The following SMCP variants were observed in gnomAD, a reference collection of about 807,000 sequenced individuals.
The protein encoded by SMCP is sperm mitochondria associated cysteine rich protein.
For synonymous variants in SMCP, 41 were observed against 46.9 expected (o/e 0.87, Z 0.51); for missense variants, 137 against 137.1 (o/e 1.00, Z 0.01).
intron 1 of SMCP, among the ~76,000 whole-genome samples, chr1:152,881,110 G>T (rs77107784): frequency 6.6e-6 from 1 of 151,252 alleles, no homozygotes. Context: ...TGGCGCTGTC[G>T]GCCACACCTG....
intron 1 of SMCP, 142 bp from the exon 2 acceptor site, chr1:152,884,261 C>G: frequency 1.4e-6 from 1 of 727,980 alleles, no homozygotes; most frequent in Non-Finnish European, 2.2e-6. Flanking sequence ...TGGCTGGCCT[C>G]TCTGAGGGAT....
At position 152,884,810 on chromosome 1, in the gene SMCP, G is replaced by T; in HGVS notation, c.*37G>T. ...GTCAAACAAAGAAGAAGTCCCTGGG[G>T]CCATGCCTTTCACTTTGTAGGGTGG... is the stretch of plus-strand genomic sequence containing the variant. On this transcript the variant is annotated 3_prime_UTR_variant, in exon 2 of 2. Coordinates refer to ENST00000368765, the MANE Select transcript of SMCP (RefSeq NM_030663.3). 1 of 1,570,098 alleles carries T rather than the reference G, an allele frequency of 6.4e-7. No homozygotes were observed. The highest frequency in any genetic ancestry group is 1.7e-4 in the Middle Eastern group (1 of 5,902).
intron 1 of SMCP, 95 bp from the exon 2 acceptor site, chr1:152,884,308 T>A: frequency 9.2e-7 from 1 of 1,086,056 alleles, no homozygotes; most frequent in East Asian, 2.6e-5. Flanking sequence ...TGAGTCATTA[T>A]CCTGAAGATG....
At chr1:152,881,766 C>T (rs1252970118) in intron 1 of SMCP, among the ~76,000 whole-genome samples, 1 of 150,966 alleles carries the variant, frequency 6.6e-6, no homozygotes, top group Non-Finnish European at 1.5e-5. Context: ...AATCGATTCA[C>T]AGTTCCACAT....
intron 1 of SMCP, among the ~76,000 whole-genome samples, chr1:152,881,548 C>T (rs913731676): frequency 4.7e-4 from 71 of 151,116 alleles, no homozygotes; most frequent in African/African-American, 1.7e-3. Flanking sequence ...ATTAGCCGGG[C>T]GTGGTGGCGG....
chr1:152,879,267 C>T (rs1158425569), intron 1 of SMCP, among the ~76,000 whole-genome samples: 1 of 152,184 alleles, frequency 6.6e-6, no homozygotes, highest in Admixed American at 6.5e-5. Flanking sequence ...GTCACCCAGG[C>T]TGGAGTGCAG....
In SMCP at chr1:152,885,011, A is replaced by G; in HGVS notation, c.*238A>G. 1 of 556,582 alleles carries G rather than the reference A, an allele frequency of 1.8e-6. No homozygotes were observed. Among genetic ancestry groups the G allele is most frequent in the Admixed American group, 3.3e-5 (1 of 29,896 alleles). The allele number at this position is 556,582 out of a possible 1,614,324, so 34.5% of individuals were successfully genotyped here. A position where few individuals can be genotyped will look rare whatever the true frequency, so the allele number is the denominator to read the frequency against. On this transcript the variant is annotated 3_prime_UTR_variant, in exon 2 of 2. Coordinates refer to ENST00000368765, the MANE Select transcript of SMCP (RefSeq NM_030663.3). ...AATCATCTTTCCTAGTGATCCTGAC[A>G]TTTAGACAGCACAGAAATAAAGAGC... is the stretch of plus-strand genomic sequence containing the variant.
intron 1 of SMCP, among the ~76,000 whole-genome samples, chr1:152,882,360 A>C (rs549888890): frequency 1.3e-5 from 2 of 152,294 alleles, no homozygotes; most frequent in African/African-American, 4.8e-5. Flanking sequence ...GAAGAGGACA[A>C]GACAAGAGAT....
intron 1 of SMCP, among the ~76,000 whole-genome samples, chr1:152,883,146 C>T (rs886750744): frequency 6.6e-6 from 1 of 152,252 alleles, no homozygotes; most frequent in Admixed American, 6.5e-5. Flanking sequence ...CACCTCACCT[C>T]AGCAGTTGTC....
At chr1:152,884,025 A>G (rs903327595) in intron 1 of SMCP, among the ~76,000 whole-genome samples, 1 of 152,208 alleles carries the variant, frequency 6.6e-6, no homozygotes, top group African/African-American at 2.4e-5. Flanking sequence ...AAGTGGACTA[A>G]AAATGTCTAC....
At chr1:152,878,817 A>G (rs1648946138) in intron 1 of SMCP, among the ~76,000 whole-genome samples, 1 of 152,228 alleles carries the variant, frequency 6.6e-6, no homozygotes. Flanking sequence ...AGTGATGTGT[A>G]AGCAGAGACT....
intron 1 of SMCP, 97 bp from the exon 2 acceptor site, chr1:152,884,306 T>C: frequency 9.3e-7 from 1 of 1,076,034 alleles, no homozygotes; most frequent in South Asian, 1.6e-5. Context: ...TCTGAGTCAT[T>C]ATCCTGAAGA....
rs751822336 is a variant in SMCP at position 152,884,818 on chromosome 1, T to C, written c.*45T>C. On this transcript the variant is annotated 3_prime_UTR_variant, in exon 2 of 2. Transcript: ENST00000368765. ...AAGAAGAAGTCCCTGGGGCCATGCCTTTCACTTTGTAGGGTGGGGGATTAC... is the reference window on the plus strand; with the variant it reads ...AAGAAGAAGTCCCTGGGGCCATGCCCTTCACTTTGTAGGGTGGGGGATTAC... 14 of 1,544,478 alleles carry C rather than the reference T, an allele frequency of 9.1e-6. No homozygotes were observed. Among genetic ancestry groups the C allele is most frequent in the Admixed American group, 8.7e-5 (5 of 57,220 alleles).
Position 152,884,584 on chromosome 1 carries a change from A to G in SMCP, c.162A>G (p.Lys54=), listed in dbSNP as rs779051316. 3 of 1,613,926 alleles carry G rather than the reference A, an allele frequency of 1.9e-6. No individual in the cohort carries two copies. Among genetic ancestry groups the G allele is most frequent in the Non-Finnish European group, 2.5e-6 (3 of 1,180,012 alleles). The change falls in exon 2 of 2, where the codon AAA becomes AAG. Residue 54 remains lysine, a synonymous_variant. Coordinates refer to ENST00000368765, the MANE Select transcript of SMCP (RefSeq NM_030663.3). ...AAGGCAGTCAATGCTGCCCACCAAAACACAATCACTGCTGCCAGCCAAAAC... is the reference window on the plus strand; with the variant it reads ...AAGGCAGTCAATGCTGCCCACCAAAGCACAATCACTGCTGCCAGCCAAAAC... ...QPKGSQCCPP[K]HNHCCQPKPP... is the part of the protein sequence containing the mutation.
At chr1:152,879,796 C>G (rs1286913144) in intron 1 of SMCP, among the ~76,000 whole-genome samples, 1 of 152,174 alleles carries the variant, frequency 6.6e-6, no homozygotes, top group Non-Finnish European at 1.5e-5. Context: ...CCTCCACATT[C>G]AGGACCTATT....
chr1:152,880,193 G>T (rs1648990738), intron 1 of SMCP, among the ~76,000 whole-genome samples: 2 of 152,082 alleles, frequency 1.3e-5, no homozygotes, highest in East Asian at 3.9e-4. Flanking sequence ...AACAGAAGGG[G>T]CTCACTCCTC....
intron 1 of SMCP, among the ~76,000 whole-genome samples, chr1:152,881,914 T>C (rs2101622828): frequency 6.6e-6 from 1 of 152,322 alleles, no homozygotes; most frequent in South Asian, 2.1e-4. Context: ...GTGAGGTACA[T>C]ACACAGAGCC....
chr1:152,881,470 T>C (rs1257736629), intron 1 of SMCP, among the ~76,000 whole-genome samples: 3 of 151,520 alleles, frequency 2.0e-5, no homozygotes, highest in Non-Finnish European at 2.9e-5. Flanking sequence ...GGGTGGATCA[T>C]GAGGTCAGGA....
chr1:152,880,195 T>C (rs1456853329), intron 1 of SMCP, among the ~76,000 whole-genome samples: 3 of 151,880 alleles, frequency 2.0e-5, no homozygotes, highest in Non-Finnish European at 4.4e-5. Context: ...CAGAAGGGGC[T>C]CACTCCTCCC....
Sources: allele counts gnomAD v4.1 joint callset (sites outside exome capture counted in the v4.1 genomes callset), GRCh38; gene constraint gnomAD v4.1.1; transcripts MANE v1.5; gene names NCBI Gene and HGNC (gene_info 2026-07-23, HGNC 2026-07-21).